Variants in GEN1 observed in about 807,000 individuals in gnomAD.
GEN1 encodes flap endonuclease GEN homolog 1.
A neutral mutation model predicts 67.6 loss-of-function variants in GEN1; 64 were observed. The observed-to-expected ratio is 0.95, with a 90% CI of 0.77 to 1.17. The LOEUF (loss-of-function observed/expected upper bound fraction) is 1.17, where lower values mean the gene tolerates loss of function less well. GEN1 is among the 50% of genes most tolerant of loss of function. The probability of loss-of-function intolerance (pLI) is 0.00; values close to 1 mark genes in which losing one functional copy is unlikely to be tolerated. For synonymous variants in GEN1, 371 were observed against 359.4 expected (o/e 1.03, Z -0.37); for missense variants, 1,058 against 1,048.3 (o/e 1.01, Z -0.13).
intron 5 of GEN1, 37 bp from the exon 6 acceptor site, chr2:17,768,701 T>G: frequency 2.1e-6 from 3 of 1,431,494 alleles, no homozygotes; most frequent in Non-Finnish European, 3.0e-6. Flanking sequence ...TCCTAGTGAT[T>G]AACATTGGAA....
chr2:17,780,278 T>C (rs973674233), intron 13 of GEN1, among the ~76,000 whole-genome samples, 157 bp downstream of exon 13: 2 of 152,242 alleles, frequency 1.3e-5, no homozygotes, highest in Non-Finnish European at 2.9e-5. Flanking sequence ...ACATACTTTC[T>C]TTTAAAGCTG....
In GEN1 at chr2:17,768,930, A is replaced by T. The variant is rs982849370; in HGVS notation, c.710+119A>T. 2.6e-5 allele frequency: 14 copies of T among 528,722 alleles called. No individual in the cohort carries two copies. The Admixed American group carries it at 5.3e-4, about 20-fold the overall frequency. The allele number at this position is 528,722 out of a possible 1,614,324, so 32.8% of individuals were successfully genotyped here. On this transcript the variant is annotated intron_variant, in intron 6 of 13. Transcript: ENST00000381254. Reference sequence around the variant, plus strand: ...GGGTTTTGTATTTTTAAACTGACCTATATTTTGTTTGATTTAAGATAATTT... The same window carrying T: ...GGGTTTTGTATTTTTAAACTGACCTTTATTTTGTTTGATTTAAGATAATTT...
At chr2:17,771,075 A>G (rs900619233) in intron 6 of GEN1, 121 bp from the exon 7 acceptor site, 4 of 713,524 alleles carry the variant, frequency 5.6e-6, no homozygotes, top group Admixed American at 2.0e-5. Flanking sequence ...CAACTTTATC[A>G]GCCACCAAAG....
intron 1 of GEN1, 97 bp from the exon 2 acceptor site, chr2:17,759,832 G>T (rs913355820): frequency 1.9e-6 from 2 of 1,025,936 alleles, no homozygotes; most frequent in South Asian, 1.7e-5. Flanking sequence ...TATCCTCTAT[G>T]AATTATCCTG....
intron 2 of GEN1, among the ~76,000 whole-genome samples, chr2:17,761,123 T>C (rs1671657765): frequency 6.6e-6 from 1 of 151,250 alleles, no homozygotes; most frequent in African/African-American, 2.4e-5. Flanking sequence ...TCCCAGCTGC[T>C]TGGGGACTGA....
chr2:17,770,166 T>G (rs1672118228), intron 6 of GEN1, among the ~76,000 whole-genome samples: 1 of 152,166 alleles, frequency 6.6e-6, no homozygotes, highest in Non-Finnish European at 1.5e-5. Context: ...CAAGTGAATA[T>G]AACACCTGGC....
rs1410411636 is a variant in GEN1 at position 17,774,390 on chromosome 2, A to G, written c.1191A>G (p.Leu397=). The part of the protein sequence containing the change: ...RKLGSRNSNQ[L]QPIRIVKTRI... ...TTGGTAGCAGAAACTCTAATCAACT[A>G]CAGCCAATTCGGTAATGTAAAGAAC... Residue 397 remains leucine, a synonymous_variant, in exon 11 of 14, where the codon CTA becomes CTG. Transcript: ENST00000381254. 1.0e-5 allele frequency: 16 copies of G among 1,601,556 alleles called. No homozygotes were observed. The highest frequency in any genetic ancestry group is 1.4e-5 in the Non-Finnish European group (16 of 1,173,720).
Position 17,761,397 on chromosome 2 carries a change from A to G in GEN1, c.163A>G (p.Asn55Asp). Residue 55 changes from asparagine to aspartate, a missense_variant and splice_region_variant, in exon 3 of 14, where the codon AAC becomes GAC. Coordinates refer to ENST00000381254, the MANE Select transcript of GEN1 (RefSeq NM_001130009.3). ...MGSVMKPHLR[N>D]LFFRISYLTQ... ...GTATTACTAATTTATATATTTCAGG[A>G]ACTTATTTTTTCGTATCTCATATTT... The G allele has an allele frequency of 6.6e-7, 1 of 1,526,138 alleles. No homozygotes were observed. Among genetic ancestry groups the G allele is most frequent in the Non-Finnish European group, 9.0e-7 (1 of 1,106,474 alleles). The allele number at this position is 1,526,138 out of a possible 1,614,324, so 94.5% of individuals were successfully genotyped here. A position where few individuals can be genotyped will look rare whatever the true frequency, so the allele number is the denominator to read the frequency against.
chr2:17,776,115 C>CAAAAAA (rs34705905), intron 11 of GEN1, among the ~76,000 whole-genome samples: 2 of 80,690 alleles, frequency 2.5e-5, no homozygotes, highest in Non-Finnish European at 5.0e-5. Context: ...GACCCTGTCT[C>CAAAAAA]AAAAAAAAAA....
intron 1 of GEN1, among the ~76,000 whole-genome samples, chr2:17,757,832 A>G (rs998209871): frequency 6.6e-6 from 1 of 152,192 alleles, no homozygotes; most frequent in Non-Finnish European, 1.5e-5. Flanking sequence ...TATTTCTCCA[A>G]CTCCTAATAA....
chr2:17,773,732 C>A (rs948207593), intron 10 of GEN1, among the ~76,000 whole-genome samples: 1 of 151,984 alleles, frequency 6.6e-6, no homozygotes, highest in South Asian at 2.1e-4. Context: ...AATAATATTA[C>A]TTATCTCATA....
rs1358965553 is a variant in GEN1, at chr2:17,780,942, T to C, written c.1730T>C (p.Ile577Thr). 7.5e-6 allele frequency: 12 copies of C among 1,599,990 alleles called. 1 individual carries two copies. Among genetic ancestry groups the C allele is most frequent in the South Asian group, 4.4e-5 (4 of 90,548 alleles). The part of the protein sequence containing the change: ...SSQPNTSSHN[I>T]SVIADLHLST... Reference sequence around the variant, plus strand: ...CAACCCAATACCTCATCTCATAATATATCCGTGATTGCTGATCTACACTTG... The same window carrying C: ...CAACCCAATACCTCATCTCATAATACATCCGTGATTGCTGATCTACACTTG... The change falls in exon 14 of 14, where the codon ATA becomes ACA. Residue 577 changes from isoleucine (I) to threonine (T), a missense_variant. By Grantham distance (89) the Ile-to-Thr change is moderately conservative. Transcript: ENST00000381254.
intron 3 of GEN1, among the ~76,000 whole-genome samples, chr2:17,764,234 G>A (rs1344989041): frequency 6.6e-6 from 1 of 152,160 alleles, no homozygotes; most frequent in Admixed American, 6.5e-5. Context: ...GAGTTTCATT[G>A]TACAGGGAAG....
Position 17,781,425 on chromosome 2 carries a change from TA to T in GEN1, c.2217del (p.Gly740GlufsTer24), listed in dbSNP as rs1300447132. The T allele has an allele frequency of 7.4e-6, 12 of 1,613,564 alleles. No homozygotes were observed. Among genetic ancestry groups the T allele is most frequent in the African/African-American group, 1.3e-5 (1 of 74,922 alleles). The stretch of plus-strand genomic sequence containing the variant: ...AATGAATCCAGAGACTCTAAAATTC[TA>T]AAAGGAGACCAGCTGCTTCAAGAAG... ...LQNESRDSKI[L>X]KGDQLLQEDY... On this transcript the variant is annotated frameshift_variant, in exon 14 of 14. Coordinates refer to ENST00000381254, the MANE Select transcript of GEN1 (RefSeq NM_001130009.3). LOFTEE classifies it low-confidence loss of function (END_TRUNC).
Position 17,780,855 on chromosome 2 carries a change from T to TAAGA in GEN1, c.1644_1647dup (p.Pro550LysfsTer9), listed in dbSNP as rs1315217903. 1 of 1,613,962 alleles carries TAAGA rather than the reference T, an allele frequency of 6.2e-7. No individual in the cohort carries two copies. Among genetic ancestry groups the TAAGA allele is most frequent in the East Asian group, 2.2e-5 (1 of 44,862 alleles). Reference sequence around the variant, plus strand: ...GCACAAGAACAGTTCATGTCTTCTCTAAGACCTTTGGCTATACAGCAAATT... The same window carrying TAAGA: ...GCACAAGAACAGTTCATGTCTTCTCTAAGAAAGACCTTTGGCTATACAGCAAATT... On this transcript the variant is annotated frameshift_variant, in exon 14 of 14. Coordinates refer to ENST00000381254, the MANE Select transcript of GEN1 (RefSeq NM_001130009.3). LOFTEE classifies it low-confidence loss of function (END_TRUNC).
intron 2 of GEN1, 42 bp from the exon 3 acceptor site, chr2:17,761,354 C>A: frequency 1.9e-6 from 2 of 1,072,228 alleles, no homozygotes; most frequent in South Asian, 1.5e-5. Flanking sequence ...CTTTTACTAT[C>A]AGTGTTTGAT....
intron 5 of GEN1, among the ~76,000 whole-genome samples, chr2:17,768,153 A>G (rs1236428215): frequency 6.6e-6 from 1 of 152,230 alleles, no homozygotes; most frequent in African/African-American, 2.4e-5. Context: ...GGACATATTC[A>G]TACACTTATA....
rs1403833254 is a variant in GEN1 at position 17,784,628 on chromosome 2, A to T, written c.*2689A>T. On this transcript the variant is annotated 3_prime_UTR_variant, in exon 14 of 14. Coordinates refer to ENST00000381254, the MANE Select transcript of GEN1 (RefSeq NM_001130009.3). ...TATTGTGTGCTAAGCATTCAACTAG[A>T]TTATTTACAAACCTTGTATCATCTC... is the stretch of plus-strand genomic sequence containing the variant. 6.6e-6 allele frequency: 1 copy of T among 152,208 alleles called. No homozygotes were observed. The highest frequency in any genetic ancestry group is 1.5e-5 in the Non-Finnish European group (1 of 68,024). 9.4% of individuals were successfully genotyped at this position (152,208 alleles called of 1,614,324 possible). A position where few individuals can be genotyped will look rare whatever the true frequency, so the allele number is the denominator to read the frequency against.
chr2:17,772,990 C>G lies in GEN1; in HGVS notation c.954-106C>G, dbSNP rs1672264979. The G allele has an allele frequency of 7.1e-6, 6 of 842,192 alleles. No homozygotes were observed. In the South Asian group the frequency reaches 1.0e-4, roughly 14 times the overall value. 52.2% of individuals were successfully genotyped at this position (842,192 alleles called of 1,614,324 possible). On this transcript the variant is annotated intron_variant, in intron 8 of 13. Transcript: ENST00000381254. ...AAGGGAAGCTTGACTGTTTGGGATA[C>G]TGTAAATTCACATTTCTTATTAAAT... is the stretch of plus-strand genomic sequence containing the variant.
Sources: gnomAD v4.1 joint callset for allele counts (sites outside exome capture counted in the v4.1 genomes callset) on GRCh38, gnomAD v4.1.1 for gene constraint, MANE v1.5 for transcripts, NCBI Gene and HGNC (gene_info 2026-07-23, HGNC 2026-07-21) for gene names.